PAK3: variants seen among roughly 807,000 people sequenced by gnomAD.
The protein encoded by PAK3 is p21 (RAC1) activated kinase 3.
A neutral mutation model predicts 41.0 loss-of-function variants in PAK3; 4 were observed. The observed-to-expected ratio is 0.10, with a 90% CI of 0.05 to 0.22. The LOEUF is 0.22. Among genes scored for constraint, PAK3 ranks in the 10% least tolerant of loss-of-function variants. The probability of loss-of-function intolerance (pLI) is 1.00; values close to 1 mark genes in which losing one functional copy is unlikely to be tolerated. For synonymous variants in PAK3, 146 were observed against 139.6 expected, an observed-to-expected ratio of 1.05 and a Z score of -0.32; for missense variants, 205 against 409.9, an observed-to-expected ratio of 0.50 and a Z score of 4.32.
chrX:111,028,054 G>A (rs1426387222), intron 1 of PAK3, among the ~76,000 whole-genome samples: 1 of 12,561 alleles, frequency 8.0e-5, no homozygotes, highest in Non-Finnish European at 2.8e-4. Flanking sequence ...CACACACCAT[G>A]GAATACTACT....
chrX:110,993,610 A>G (rs1035068199), intron 1 of PAK3, among the ~76,000 whole-genome samples: 20 of 112,257 alleles, frequency 1.8e-4, no homozygotes, highest in South Asian at 7.5e-4. Flanking sequence ...ATATGTTACT[A>G]TCTTGCTTTA....
chrX:111,069,301 A>C (rs756370286), intron 1 of PAK3, among the ~76,000 whole-genome samples: 24 of 111,550 alleles, frequency 2.2e-4, no homozygotes, highest in African/African-American at 7.5e-4. Context: ...GGTTATGGGC[A>C]TATCCCATAG....
intron 1 of PAK3, among the ~76,000 whole-genome samples, chrX:110,955,752 C>A (rs1007044305): frequency 3.6e-5 from 4 of 112,314 alleles, no homozygotes; most frequent in African/African-American, 1.3e-4. Context: ...GGCCTCAGTT[C>A]TTCCATCTGC....
Position 111,223,057 on chromosome X carries a change from A to G in PAK3, c.*2610A>G, listed in dbSNP as rs1455540068. ...AGAAAGAAGCTGTTTCTCATGCCAC[A>G]GTGATGCTGAAGGATTCACATTTGG... On this transcript the variant is annotated 3_prime_UTR_variant, in exon 18 of 18. Coordinates refer to ENST00000372007, the MANE Select transcript of PAK3 (RefSeq NM_002578.5). The G allele has an allele frequency of 4.5e-5, 5 of 111,703 alleles. No individual in the cohort carries two copies. Among genetic ancestry groups the G allele is most frequent in the Admixed American group, 3.8e-4 (4 of 10,431 alleles). The allele number at this position is 111,703 out of a possible 1,213,427, so 9.2% of individuals were successfully genotyped here. A position where few individuals can be genotyped will look rare whatever the true frequency, so the allele number is the denominator to read the frequency against.
At chrX:110,982,415 G>T (rs1361029261) in intron 1 of PAK3, among the ~76,000 whole-genome samples, 2 of 111,940 alleles carry the variant, frequency 1.8e-5, no homozygotes, top group Admixed American at 1.9e-4. Flanking sequence ...TGGTGACACT[G>T]ATCATACCTG....
intron 1 of PAK3, among the ~76,000 whole-genome samples, chrX:110,986,042 A>G (rs750094851): frequency 9.0e-6 from 1 of 110,703 alleles, no homozygotes; most frequent in Non-Finnish European, 1.9e-5. Context: ...GTGTAGGTCT[A>G]GTTAGTGTCC....
At position 111,042,657 on chromosome X, in the gene PAK3, T is replaced by C. The variant is rs1335359859; in HGVS notation, c.-27-80420T>C. On this transcript the variant is annotated intron_variant, in intron 1 of 14. Transcript: ENST00000425146. The stretch of plus-strand genomic sequence containing the variant: ...ATGGCTCTAGACTAACTGACCAAAA[T>C]CCAATGATCCAAAAGTGAATTCATT... 2.7e-5 allele frequency among the ~76,000 whole-genome samples: 3 copies of C among 111,316 alleles called. No homozygotes were observed. The South Asian group carries it at 1.1e-3, about 42-fold the overall frequency.
chrX:111,208,240 G>C (rs1214057272), intron 16 of PAK3, among the ~76,000 whole-genome samples: 3 of 112,714 alleles, frequency 2.7e-5, no homozygotes, highest in Non-Finnish European at 5.6e-5. Flanking sequence ...TGTTACAAAG[G>C]AGTCAAAAAG....
In PAK3 at chrX:111,151,655, G is replaced by GT. The variant is rs1212913523; in HGVS notation, c.431-747dup. 2.7e-5 allele frequency among the ~76,000 whole-genome samples: 3 copies of GT among 111,722 alleles called. No homozygotes were observed. In the Admixed American group the frequency reaches 2.9e-4, roughly 11 times the overall value. On this transcript the variant is annotated intron_variant, in intron 7 of 17. Coordinates refer to ENST00000372007, the MANE Select transcript of PAK3 (RefSeq NM_002578.5). ...TAGTACTGAACCTTATGTATATCATGTTTTTTTTCTATACCTACTTACCTG... is the reference window on the plus strand; with the variant it reads ...TAGTACTGAACCTTATGTATATCATGTTTTTTTTTCTATACCTACTTACCTG...
At chrX:111,150,307 C>T (rs2094007506) in intron 7 of PAK3, among the ~76,000 whole-genome samples, 1 of 112,023 alleles carries the variant, frequency 8.9e-6, no homozygotes, top group Admixed American at 9.4e-5. Context: ...CTTCTGTGTC[C>T]TTTCAAACTG....
At chrX:110,952,991 C>G (rs1329659579) in intron 1 of PAK3, among the ~76,000 whole-genome samples, 1 of 112,015 alleles carries the variant, frequency 8.9e-6, no homozygotes, top group Admixed American at 9.5e-5. Context: ...GGATTCTATG[C>G]ATAAATCATA....
intron 1 of PAK3, among the ~76,000 whole-genome samples, chrX:110,959,607 T>A (rs1248274018): frequency 9.0e-6 from 1 of 111,232 alleles, no homozygotes; most frequent in East Asian, 2.8e-4. Flanking sequence ...GGGACCTGGG[T>A]TTCCGTACTT....
chrX:110,998,811 T>G (rs2091792734), intron 1 of PAK3, among the ~76,000 whole-genome samples: 1 of 111,971 alleles, frequency 8.9e-6, no homozygotes, highest in African/African-American at 3.2e-5. Context: ...AAGAAATGAA[T>G]AAATAAACAA....
At chrX:111,041,385 A>C (rs1213378074) in intron 1 of PAK3, among the ~76,000 whole-genome samples, 2 of 111,466 alleles carry the variant, frequency 1.8e-5, no homozygotes, top group Non-Finnish European at 3.8e-5. Flanking sequence ...ATATAGAGAC[A>C]GTCTGAACTC....
chrX:111,127,793 C>G (rs1026312753), intron 5 of PAK3, among the ~76,000 whole-genome samples: 5 of 111,534 alleles, frequency 4.5e-5, no homozygotes. Flanking sequence ...GGCTCCATTT[C>G]GTGTTCCTAT....
At chrX:111,046,024 T>C (rs188829235) in intron 1 of PAK3, among the ~76,000 whole-genome samples, 1 of 111,922 alleles carries the variant, frequency 8.9e-6, no homozygotes, top group Non-Finnish European at 1.9e-5. Context: ...TCATCTCTTA[T>C]TGTTAACAAG....
chrX:111,116,325 G>T (rs1011904178), intron 4 of PAK3, among the ~76,000 whole-genome samples: 5 of 110,694 alleles, frequency 4.5e-5, no homozygotes, highest in African/African-American at 9.9e-5. Flanking sequence ...ATTCTTTATG[G>T]ATCTTATTTT....
chrX:111,153,534 G>A (rs928661635), intron 8 of PAK3, among the ~76,000 whole-genome samples: 1 of 111,304 alleles, frequency 9.0e-6, no homozygotes, highest in African/African-American at 3.3e-5. Context: ...TGTTTTTTTA[G>A]GGGTGAAATA....
At chrX:111,073,264 T>C (rs1193369371) in intron 1 of PAK3, among the ~76,000 whole-genome samples, 1 of 111,548 alleles carries the variant, frequency 9.0e-6, no homozygotes, top group African/African-American at 3.3e-5. Flanking sequence ...AGAAAATGCC[T>C]ACATCAAAAA....
Sources: allele counts gnomAD v4.1 joint callset (sites outside exome capture counted in the v4.1 genomes callset), GRCh38; gene constraint gnomAD v4.1.1; transcripts MANE v1.5; gene names NCBI Gene and HGNC (gene_info 2026-07-23, HGNC 2026-07-21).